The following MGST1 variants were observed in gnomAD, a reference collection of about 807,000 sequenced individuals.
MGST1 encodes the protein microsomal glutathione S-transferase 1, also known as glutathione S-transferase 12.
In MGST1, 5 loss-of-function variants were observed where a neutral mutation model predicts 8.9. The ratio of observed to expected loss-of-function variants is 0.56; its 90% confidence interval spans 0.29 to 1.19. The LOEUF is 1.19. Ranked by LOEUF, MGST1 falls within the 50% of genes most tolerant of loss-of-function variation. The probability of loss-of-function intolerance (pLI) is 0.08; values close to 1 mark genes in which losing one functional copy is unlikely to be tolerated. For missense variants in MGST1, 182 were observed against 187.4 expected (o/e 0.97, Z 0.17); for synonymous variants, 54 against 67.8 (o/e 0.80, Z 1.00).
At position 16,389,706 on chromosome 12, in the gene MGST1, G is replaced by A. The variant is rs1367494182; in HGVS notation, n.778+6102G>A. On this transcript the variant is annotated intron_variant and non_coding_transcript_variant, in intron 1 of 1. Coordinates refer to the MGST1 transcript ENST00000359720. The surrounding 1 kb of genome is among the most constrained non-coding windows in gnomAD (Gnocchi z 4.6). The stretch of plus-strand genomic sequence containing the variant: ...TGAAAGAAGGGTGTTATTAGCTGAT[G>A]CTGACTCATTGGGGTTTGAAGTATG... Among the ~76,000 whole-genome samples the A allele has an allele frequency of 6.6e-6, 1 of 152,126 alleles. No individual in the cohort carries two copies. The highest frequency in any genetic ancestry group is 2.4e-5 in the African/African-American group (1 of 41,436).
intron 1 of MGST1, chr12:16,399,686 G>C: frequency 7.1e-7 from 1 of 1,405,618 alleles, no homozygotes; most frequent in Non-Finnish European, 1.0e-6. Context: ...GTTCGAAAAA[G>C]CCCTCAGGGT....
intron 4 of MGST1, among the ~76,000 whole-genome samples, chr12:16,489,601 G>T (rs1941425244): frequency 6.6e-6 from 1 of 152,122 alleles, no homozygotes; most frequent in Non-Finnish European, 1.5e-5. Flanking sequence ...ATTTATTTGA[G>T]TTGCTTTGCA....
intron 1 of MGST1, among the ~76,000 whole-genome samples, chr12:16,405,347 C>A (rs1429643519): frequency 6.6e-6 from 1 of 152,072 alleles, no homozygotes; most frequent in African/African-American, 2.4e-5. Context: ...GACACATCCA[C>A]CCTCCCATGA....
chr12:16,489,989 G>A (rs1429308599), intron 4 of MGST1, among the ~76,000 whole-genome samples: 1 of 152,142 alleles, frequency 6.6e-6, no homozygotes, highest in African/African-American at 2.4e-5. Flanking sequence ...TAGGCTGGGT[G>A]TGGTGGCTCA....
chr12:16,376,103 T>A (rs1213051793), intron 3 of MGST1: 3 of 606,550 alleles, frequency 4.9e-6, no homozygotes, highest in South Asian at 3.2e-5. Flanking sequence ...AAAAATCTTA[T>A]TTTTTTTTAA....
At chr12:16,435,917 G>C (rs1039529740) in intron 1 of MGST1, among the ~76,000 whole-genome samples, 1 of 151,602 alleles carries the variant, frequency 6.6e-6, no homozygotes, top group Non-Finnish European at 1.5e-5. Context: ...TGAGTCATAA[G>C]AACTATATAG....
chr12:16,376,060 TCA>T, intron 3 of MGST1: 1 of 1,151,244 alleles, frequency 8.7e-7, no homozygotes, highest in Non-Finnish European at 1.2e-6. Context: ...TTTTATGTGT[TCA>T]CGTGTGTGTA....
At chr12:16,399,666 CA>C in intron 1 of MGST1, 1 of 1,556,532 alleles carries the variant, frequency 6.4e-7, no homozygotes, top group Non-Finnish European at 8.9e-7. Context: ...CAGAAAAGAC[CA>C]GACACCTTGT....
chr12:16,475,058 C>G (rs1021122219), intron 4 of MGST1, among the ~76,000 whole-genome samples: 1 of 152,020 alleles, frequency 6.6e-6, no homozygotes, highest in African/African-American at 2.4e-5. Flanking sequence ...GCATTTAGCT[C>G]GAGCTGCTTT....
At chr12:16,397,833 A>G (rs755888250) in intron 1 of MGST1, among the ~76,000 whole-genome samples, 5 of 148,788 alleles carry the variant, frequency 3.4e-5, no homozygotes, top group Non-Finnish European at 7.4e-5. Context: ...AATATTTAAT[A>G]TAAATTTAAT....
intron 1 of MGST1, among the ~76,000 whole-genome samples, chr12:16,406,881 TTACATCGCA>T (rs1238366704): frequency 1.7e-4 from 26 of 152,198 alleles, no homozygotes; most frequent in Admixed American, 1.6e-3. Context: ...GACCCCTTTC[TTACATCGCA>T]TACAAACATC....
intron 4 of MGST1, among the ~76,000 whole-genome samples, chr12:16,539,682 A>T (rs1941781504): frequency 6.6e-6 from 1 of 152,176 alleles, no homozygotes; most frequent in Non-Finnish European, 1.5e-5. Context: ...ACATCCTAAA[A>T]TGTAAACCTG....
At chr12:16,381,269 G>A (rs928146375), downstream of MGST1, among the ~76,000 whole-genome samples, 4 of 152,164 alleles carry the variant, frequency 2.6e-5, no homozygotes, top group African/African-American at 9.7e-5. Flanking sequence ...TTTTTGCAGT[G>A]GCTGGTACCG....
intron 4 of MGST1, among the ~76,000 whole-genome samples, chr12:16,506,172 A>G (rs894494338): frequency 1.3e-5 from 2 of 152,192 alleles, no homozygotes; most frequent in Non-Finnish European, 2.9e-5. Flanking sequence ...TGAAAGATAA[A>G]GAACTTTATT....
At chr12:16,492,054 G>A (rs1381264510) in intron 4 of MGST1, among the ~76,000 whole-genome samples, 2 of 152,040 alleles carry the variant, frequency 1.3e-5, no homozygotes, top group African/African-American at 4.8e-5. Context: ...ACTGGATAAA[G>A]GTATGTATGA....
downstream of MGST1, among the ~76,000 whole-genome samples, chr12:16,442,428 A>G (rs983696225): frequency 9.2e-5 from 14 of 151,932 alleles, no homozygotes; most frequent in Non-Finnish European, 1.9e-4. This position sits in a 1 kb window ranked among gnomAD's most constrained non-coding sequence, Gnocchi z 4.5. Flanking sequence ...TTTATCTTCT[A>G]GGAGGTTTAC....
At chr12:16,454,606 A>G (rs1370215012) in intron 4 of MGST1, among the ~76,000 whole-genome samples, 2 of 151,888 alleles carry the variant, frequency 1.3e-5, no homozygotes, top group East Asian at 3.9e-4. Context: ...ATTTGACCAG[A>G]AAGTCTTTTT....
At position 16,482,481 on chromosome 12, in the gene MGST1, A is replaced by C. The variant is rs1038653434; in HGVS notation, n.482+98877A>C. ...CACCGTCTCTACTAAAAATACAAAA[A>C]TTAGCCAGGCGCAGTGGCAGGCGCC... On this transcript the variant is annotated intron_variant and non_coding_transcript_variant, in intron 4 of 4. Transcript: ENST00000538857. The surrounding 1 kb of genome is among the most constrained non-coding windows in gnomAD (Gnocchi z 4.2). 6.6e-6 allele frequency among the ~76,000 whole-genome samples: 1 copy of C among 152,144 alleles called. No individual in the cohort carries two copies. Among genetic ancestry groups the C allele is most frequent in the Admixed American group, 6.5e-5 (1 of 15,272 alleles).
At chr12:16,404,592 C>T (rs954230261) in intron 1 of MGST1, among the ~76,000 whole-genome samples, 1 of 152,034 alleles carries the variant, frequency 6.6e-6, no homozygotes, top group Non-Finnish European at 1.5e-5. Flanking sequence ...GCACACTTAA[C>T]TAATCAAAGT....
Sources: allele counts gnomAD v4.1 joint callset (sites outside exome capture counted in the v4.1 genomes callset), GRCh38; gene constraint gnomAD v4.1.1; non-coding constraint Gnocchi (gnomAD v3.1); transcripts MANE v1.5; gene names NCBI Gene and HGNC (gene_info 2026-07-23, HGNC 2026-07-21).